PEPD: variants seen among roughly 807,000 people sequenced by gnomAD.
PEPD encodes the protein peptidase D, also known as xaa-Pro dipeptidase.
A neutral mutation model predicts 60.7 loss-of-function variants in PEPD; 53 were observed. That is an observed-to-expected ratio of 0.87 (90% CI 0.70 to 1.10). The LOEUF is 1.10. Ranked by LOEUF, PEPD falls within the 50% of genes least tolerant of loss-of-function variation. PEPD has a pLI of 0.00. For synonymous variants in PEPD, 267 were observed against 284.1 expected, an observed-to-expected ratio of 0.94 and a Z score of 0.60; for missense variants, 711 against 711.9, an observed-to-expected ratio of 1.00 and a Z score of 0.01.
chr19:33,492,921 G>T (rs1284830021), intron 5 of PEPD, among the ~76,000 whole-genome samples: 3 of 152,074 alleles, frequency 2.0e-5, no homozygotes, highest in Non-Finnish European at 2.9e-5. Flanking sequence ...CTGTGGCCCA[G>T]ACTGGAGCAC....
At chr19:33,517,167 C>T (rs1470253472) in intron 1 of PEPD, among the ~76,000 whole-genome samples, 6 of 152,052 alleles carry the variant, frequency 3.9e-5, no homozygotes, top group Non-Finnish European at 7.4e-5. Context: ...GGGGACAGGG[C>T]GAGACCCTGT....
chr19:33,460,915 T>C (rs1969913702), intron 9 of PEPD, among the ~76,000 whole-genome samples: 1 of 152,122 alleles, frequency 6.6e-6, no homozygotes, highest in East Asian at 1.9e-4. Flanking sequence ...GAGCAGTTTG[T>C]AGACAGGGGT....
intron 13 of PEPD, chr19:33,388,373 G>A: frequency 3.4e-6 from 2 of 590,206 alleles, no homozygotes; most frequent in Non-Finnish European, 3.1e-6. Context: ...GCCCAGACAG[G>A]CCTGTGGGGC....
chr19:33,482,682 C>T (rs567833702), intron 6 of PEPD, among the ~76,000 whole-genome samples: 17 of 152,340 alleles, frequency 1.1e-4, no homozygotes, highest in African/African-American at 3.8e-4. Flanking sequence ...GAACTGAAAG[C>T]ATATGTTCAC....
At chr19:33,410,432 C>T (rs1968737612) in intron 11 of PEPD, among the ~76,000 whole-genome samples, 1 of 152,190 alleles carries the variant, frequency 6.6e-6, no homozygotes, top group South Asian at 2.1e-4. Context: ...CTCTGGGCAG[C>T]TGGTTGTCTG....
chr19:33,509,918 T>A (rs978276508), intron 3 of PEPD, among the ~76,000 whole-genome samples: 1 of 152,200 alleles, frequency 6.6e-6, no homozygotes, highest in East Asian at 1.9e-4. Flanking sequence ...CTCTGCTCTA[T>A]CTCACAGGTG....
chr19:33,486,217 G>A (rs1400743348), intron 6 of PEPD, among the ~76,000 whole-genome samples: 1 of 151,992 alleles, frequency 6.6e-6, no homozygotes, highest in Admixed American at 6.6e-5. Context: ...TCTTGCTGCA[G>A]GGTTCCCCTC....
chr19:33,479,460 T>C (rs112977793), intron 6 of PEPD, among the ~76,000 whole-genome samples: 1,857 of 152,222 alleles, frequency 0.012, 40 homozygotes, highest in African/African-American at 0.041. Flanking sequence ...GTTTCTTACA[T>C]AGGTAAACTT....
At chr19:33,396,791 T>C (rs1044213428) in intron 12 of PEPD, among the ~76,000 whole-genome samples, 1 of 151,970 alleles carries the variant, frequency 6.6e-6, no homozygotes, top group African/African-American at 2.4e-5. Flanking sequence ...GCGGAGGGCA[T>C]GGGGCCCTCA....
At chr19:33,503,574 C>G (rs1417632109) in intron 3 of PEPD, among the ~76,000 whole-genome samples, 1 of 152,194 alleles carries the variant, frequency 6.6e-6, no homozygotes, top group Non-Finnish European at 1.5e-5. Flanking sequence ...AGACCCTTTG[C>G]TACTGAGCAA....
At chr19:33,473,876 C>T (rs1291857384) in intron 7 of PEPD, among the ~76,000 whole-genome samples, 1 of 152,142 alleles carries the variant, frequency 6.6e-6, no homozygotes, top group Non-Finnish European at 1.5e-5. Context: ...GAGGAATTTA[C>T]AGGCAATCAA....
chr19:33,473,144 C>A (rs1970156199), intron 7 of PEPD, among the ~76,000 whole-genome samples: 1 of 152,174 alleles, frequency 6.6e-6, no homozygotes, highest in South Asian at 2.1e-4. Context: ...CTGATGCTCC[C>A]ACATCCATCT....
chr19:33,450,197 G>A (rs1048431390), intron 9 of PEPD, among the ~76,000 whole-genome samples: 12 of 152,214 alleles, frequency 7.9e-5, no homozygotes, highest in African/African-American at 2.7e-4. Flanking sequence ...GACCCCCCGT[G>A]CTGCCTACTG....
intron 9 of PEPD, among the ~76,000 whole-genome samples, chr19:33,446,690 C>T (rs934973328): frequency 6.6e-6 from 1 of 152,246 alleles, no homozygotes; most frequent in African/African-American, 2.4e-5. Flanking sequence ...GCAAAAGCAG[C>T]ATGCTCTCAG....
intron 12 of PEPD, chr19:33,396,280 C>T (rs1968357836): frequency 6.6e-6 from 1 of 152,378 alleles, no homozygotes; most frequent in Non-Finnish European, 1.5e-5. Context: ...GGGCCCCTGC[C>T]CCTGGCGCTG....
intron 3 of PEPD, among the ~76,000 whole-genome samples, chr19:33,506,184 C>T (rs1370460973): frequency 6.9e-6 from 1 of 143,892 alleles, no homozygotes. Flanking sequence ...AACACTCACA[C>T]ACCCACACAC....
intron 3 of PEPD, among the ~76,000 whole-genome samples, chr19:33,505,783 C>A (rs1437962351): frequency 6.7e-6 from 1 of 149,296 alleles, no homozygotes; most frequent in Non-Finnish European, 1.5e-5. Flanking sequence ...CTCACACACC[C>A]ACACACCCAC....
At chr19:33,401,629 C>A (rs894541906) in intron 12 of PEPD, 92 bp downstream of exon 12, 194 of 1,211,156 alleles carry the variant, frequency 1.6e-4, no homozygotes, top group Admixed American at 7.9e-5. Flanking sequence ...TCAAGTCACA[C>A]AATGCAGACC....
chr19:33,388,179 T>C (rs1409704749), intron 13 of PEPD, 98 bp from the exon 14 acceptor site: 11 of 1,028,920 alleles, frequency 1.1e-5, no homozygotes, highest in Non-Finnish European at 1.6e-5. Context: ...GCCAGTCTCG[T>C]GGGCTCTCTT....
Sources: gnomAD v4.1 joint callset for allele counts (sites outside exome capture counted in the v4.1 genomes callset) on GRCh38, gnomAD v4.1.1 for gene constraint, MANE v1.5 for transcripts, NCBI Gene and HGNC (gene_info 2026-07-23, HGNC 2026-07-21) for gene names.